Variants in PDE4D observed in about 807,000 individuals in gnomAD.
The protein encoded by PDE4D is 3',5'-cyclic-AMP phosphodiesterase 4D.
Under a neutral mutation model 87.4 loss-of-function variants are expected in PDE4D, and 24 were observed. The ratio of observed to expected loss-of-function variants is 0.27; its 90% CI spans 0.20 to 0.39. PDE4D has a LOEUF of 0.39. Among genes scored for constraint, PDE4D ranks in the 10% least tolerant of loss-of-function variants. The pLI is 1.00. For missense variants in PDE4D, 714 were observed against 1,041.0 expected (o/e 0.69, Z 4.32); for synonymous variants, 384 against 383.2 (o/e 1.00, Z -0.02).
At chr5:59,009,343 G>T (rs538401855) in intron 6 of PDE4D, among the ~76,000 whole-genome samples, 1 of 151,866 alleles carries the variant, frequency 6.6e-6, no homozygotes, top group Admixed American at 6.6e-5. Context: ...CTGGTGAATG[G>T]GTAAACAAAT....
chr5:59,713,603 C>A (rs1754535629), intron 1 of PDE4D, among the ~76,000 whole-genome samples: 1 of 152,122 alleles, frequency 6.6e-6, no homozygotes, highest in African/African-American at 2.4e-5. Context: ...AACAGGATCC[C>A]AAGGTGGGCG....
chr5:60,229,426 C>T (rs1029334468), intron 1 of PDE4D, among the ~76,000 whole-genome samples: 1 of 152,042 alleles, frequency 6.6e-6, no homozygotes, highest in Non-Finnish European at 1.5e-5. Flanking sequence ...CTGAGATTAG[C>T]CTAAGATGCT....
At chr5:59,178,662 C>A (rs6450509) in intron 5 of PDE4D, among the ~76,000 whole-genome samples, 36,411 of 152,050 alleles carry the variant, frequency 0.24, 4,637 homozygotes, top group African/African-American at 0.3. Flanking sequence ...CTGTTGTCAG[C>A]CACAACAATT....
chr5:59,541,912 T>C (rs1816420834), intron 1 of PDE4D, among the ~76,000 whole-genome samples: 1 of 152,156 alleles, frequency 6.6e-6, no homozygotes, highest in Admixed American at 6.6e-5. Flanking sequence ...CTGCATGATC[T>C]ACTCTTCTTC....
chr5:59,224,121 A>C (rs572515506), intron 1 of PDE4D, among the ~76,000 whole-genome samples: 3 of 135,786 alleles, frequency 2.2e-5, no homozygotes, highest in Non-Finnish European at 3.1e-5. Context: ...CCCTGTTTCT[A>C]CAAAAAAAAA....
chr5:59,642,403 C>T (rs1302139527), intron 1 of PDE4D, among the ~76,000 whole-genome samples: 1 of 151,840 alleles, frequency 6.6e-6, no homozygotes, highest in African/African-American at 2.4e-5. Context: ...ACTCTGTGTC[C>T]CCACCCAAAT....
chr5:59,668,260 G>T (rs1261051837), intron 1 of PDE4D, among the ~76,000 whole-genome samples: 2 of 152,194 alleles, frequency 1.3e-5, no homozygotes, highest in East Asian at 3.9e-4. Context: ...AGATGAATAT[G>T]TAAAAGCAAG....
At chr5:59,597,496 G>C (rs1267632703) in intron 1 of PDE4D, among the ~76,000 whole-genome samples, 1 of 151,646 alleles carries the variant, frequency 6.6e-6, no homozygotes, top group African/African-American at 2.4e-5. Flanking sequence ...ATGTCAGTTT[G>C]TTTCAGATAA....
chr5:60,123,914 T>C (rs1053880111), intron 2 of PDE4D, among the ~76,000 whole-genome samples: 3 of 152,162 alleles, frequency 2.0e-5, no homozygotes, highest in Non-Finnish European at 4.4e-5. Flanking sequence ...AACCAAATAA[T>C]ACTGCATGGA....
chr5:59,206,539 T>C (rs528173102), intron 2 of PDE4D, among the ~76,000 whole-genome samples: 1 of 152,276 alleles, frequency 6.6e-6, no homozygotes, highest in Non-Finnish European at 1.5e-5. Context: ...TTTAAAATGA[T>C]TGATGTGTAA....
intron 2 of PDE4D, among the ~76,000 whole-genome samples, chr5:59,990,021 T>C (rs2152831615): frequency 1.3e-5 from 2 of 152,310 alleles, no homozygotes; most frequent in South Asian, 4.1e-4. Flanking sequence ...AGCACTCATA[T>C]ATGGCAATTT....
chr5:60,209,168 A>G (rs1291051770), intron 1 of PDE4D, among the ~76,000 whole-genome samples: 1 of 150,720 alleles, frequency 6.6e-6, no homozygotes, highest in Admixed American at 6.7e-5. Context: ...TCCCCAAGGA[A>G]AGTATTTTTT....
intron 2 of PDE4D, among the ~76,000 whole-genome samples, chr5:60,058,681 A>C (rs779276983): frequency 3.4e-4 from 51 of 151,952 alleles, no homozygotes; most frequent in Non-Finnish European, 6.0e-4. Flanking sequence ...AAAAGTTAGA[A>C]TATCCCCATA....
chr5:59,564,652 T>G (rs1820588036), intron 1 of PDE4D, among the ~76,000 whole-genome samples: 1 of 152,060 alleles, frequency 6.6e-6, no homozygotes, highest in East Asian at 1.9e-4. Flanking sequence ...CATGAATTAA[T>G]TAATTAATCA....
chr5:59,388,996 A>G (rs1787689257), intron 1 of PDE4D, among the ~76,000 whole-genome samples: 1 of 152,102 alleles, frequency 6.6e-6, no homozygotes. Context: ...CTTTAATTGT[A>G]TATTATGTAA....
At chr5:60,236,328 A>G (rs1388214240) in intron 1 of PDE4D, among the ~76,000 whole-genome samples, 1 of 151,952 alleles carries the variant, frequency 6.6e-6, no homozygotes, top group African/African-American at 2.4e-5. Flanking sequence ...GAAAGAAAAT[A>G]TTTGTAAAAC....
intron 2 of PDE4D, among the ~76,000 whole-genome samples, chr5:60,053,534 A>G (rs1770442018): frequency 6.6e-6 from 1 of 152,206 alleles, no homozygotes; most frequent in Admixed American, 6.5e-5. Context: ...TTATACAAAA[A>G]TTAACTCAAG....
intron 2 of PDE4D, among the ~76,000 whole-genome samples, chr5:59,999,138 T>C (rs1432279766): frequency 6.6e-6 from 1 of 152,136 alleles, no homozygotes; most frequent in Non-Finnish European, 1.5e-5. Flanking sequence ...AGAAAAGGCA[T>C]TTCACGTCAA....
At chr5:60,518,737 A>G (rs1750912808) in intron 1 of PDE4D, among the ~76,000 whole-genome samples, 1 of 152,178 alleles carries the variant, frequency 6.6e-6, no homozygotes, top group Non-Finnish European at 1.5e-5. Flanking sequence ...AGGCTTCCAA[A>G]CTAGTCTTCA....
Sources: gnomAD v4.1 joint callset for allele counts (sites outside exome capture counted in the v4.1 genomes callset) on GRCh38, gnomAD v4.1.1 for gene constraint, MANE v1.5 for transcripts, NCBI Gene and HGNC (gene_info 2026-07-23, HGNC 2026-07-21) for gene names.